Variants in DOCK10 observed in about 807,000 individuals in gnomAD.
DOCK10 encodes dedicator of cytokinesis 10.
A neutral mutation model predicts 280.1 loss-of-function variants in DOCK10; 145 were observed. That is an observed-to-expected ratio of 0.52 (90% CI 0.45 to 0.59). The LOEUF (loss-of-function observed/expected upper bound fraction) is 0.59, where lower values mean the gene tolerates loss of function less well. Among genes scored for constraint, DOCK10 ranks in the 20% least tolerant of loss-of-function variants. DOCK10 has a pLI of 0.00. For synonymous variants in DOCK10, 915 were observed against 942.2 expected (o/e 0.97, Z 0.53); for missense variants, 2,368 against 2,651.7 (o/e 0.89, Z 2.35).
rs185839185 is a variant in DOCK10, at chr2:224,922,198, T to G, written c.244-5414A>C. On this transcript the variant is annotated intron_variant, in intron 2 of 55. Transcript: ENST00000258390. The stretch of plus-strand genomic sequence containing the variant: ...AAAACTGTGGCACTTCTTCTCATTT[T>G]AGATCTCTTTAATGTGTCTCCACTG... Among the ~76,000 whole-genome samples the G allele has an allele frequency of 2.0e-3, 308 of 151,920 alleles. 1 individual carries two copies. The highest frequency in any genetic ancestry group is 6.6e-3 in the African/African-American group (274 of 41,456).
chr2:224,769,320 A>G (rs751316070), intron 55 of DOCK10, among the ~76,000 whole-genome samples: 14 of 152,252 alleles, frequency 9.2e-5, no homozygotes, highest in Non-Finnish European at 2.1e-4. Flanking sequence ...AATTAGAAAA[A>G]ACAGATTCAT....
At chr2:224,974,854 GT>G (rs1705336137) in intron 1 of DOCK10, among the ~76,000 whole-genome samples, 1 of 74,694 alleles carries the variant, frequency 1.3e-5, no homozygotes, top group African/African-American at 3.2e-5. Flanking sequence ...ATACACACAC[GT>G]ATATATGAGT....
intron 2 of DOCK10, among the ~76,000 whole-genome samples, chr2:224,918,477 T>C (rs1328562490): frequency 6.7e-6 from 1 of 149,322 alleles, no homozygotes; most frequent in African/African-American, 2.5e-5. Flanking sequence ...TGTGGTGAGT[T>C]TGTGGTGCGG....
intron 2 of DOCK10, among the ~76,000 whole-genome samples, chr2:224,918,476 T>C (rs1299718208): frequency 6.7e-6 from 1 of 150,302 alleles, no homozygotes; most frequent in East Asian, 2.0e-4. Context: ...GTGTGGTGAG[T>C]TTGTGGTGCG....
At chr2:224,787,506 G>T (rs943479458) in intron 48 of DOCK10, 109 bp from the exon 49 acceptor site, 15 of 1,392,818 alleles carry the variant, frequency 1.1e-5, no homozygotes, top group African/African-American at 2.9e-5. Flanking sequence ...TCTGTTACTG[G>T]CATTTAAAAC....
At chr2:225,019,056 CT>C (rs546440634) in intron 1 of DOCK10, among the ~76,000 whole-genome samples, 61 of 132,734 alleles carry the variant, frequency 4.6e-4, no homozygotes, top group African/African-American at 1.5e-3. Flanking sequence ...TAGCAACAAT[CT>C]TTTTGAATGG....
chr2:225,030,679 T>C (rs1386521797), intron 1 of DOCK10, among the ~76,000 whole-genome samples: 8 of 152,166 alleles, frequency 5.3e-5, no homozygotes, highest in Non-Finnish European at 1.2e-4. Flanking sequence ...CAAGATTTTG[T>C]TTTGTTTCTT....
At chr2:224,870,815 ATTTTTTTTTTTT>A (rs71410336) in intron 11 of DOCK10, among the ~76,000 whole-genome samples, 3 of 52,618 alleles carry the variant, frequency 5.7e-5, no homozygotes, top group Non-Finnish European at 1.1e-4. Flanking sequence ...TGGCCACTCC[ATTTTTTTTTTTT>A]TTTTTTTTTT....
chr2:224,858,348 T>C (rs964502857), intron 14 of DOCK10, among the ~76,000 whole-genome samples: 9 of 152,114 alleles, frequency 5.9e-5, no homozygotes, highest in Non-Finnish European at 1.2e-4. Context: ...CCATACAACA[T>C]GTGGTTGCTC....
rs974859857 is a variant in DOCK10 at position 224,865,182 on chromosome 2, A to T, written c.1258-95T>A. 2.5e-6 allele frequency: 3 copies of T among 1,223,838 alleles called. No individual in the cohort carries two copies. In the South Asian group the frequency reaches 4.2e-5, roughly 17 times the overall value. 75.8% of individuals were successfully genotyped at this position (1,223,838 alleles called of 1,614,324 possible). On this transcript the variant is annotated intron_variant, in intron 11 of 55. Coordinates refer to ENST00000258390, the MANE Select transcript of DOCK10 (RefSeq NM_014689.3). ...ATCATTTAACAAAGCAGTAGATAAA[A>T]TACATGCAGCAGGCAAGCTCCCCTT...
intron 1 of DOCK10, among the ~76,000 whole-genome samples, chr2:225,040,519 T>C (rs1051667022): frequency 3.8e-5 from 5 of 130,652 alleles, no homozygotes; most frequent in African/African-American, 6.8e-5. Flanking sequence ...AGTGCGTGTG[T>C]GTGTGTGTGT....
In DOCK10 at chr2:224,970,608, T is replaced by A. The variant is rs1364102119; in HGVS notation, c.124-38940A>T. 6.6e-6 allele frequency among the ~76,000 whole-genome samples: 1 copy of A among 152,366 alleles called. No homozygotes were observed. The highest frequency in any genetic ancestry group is 1.9e-4 in the East Asian group (1 of 5,190). ...TTACAACAAAGTGATTTTCCCTTTT[T>A]TTCTCTTTGTTGTCTCTGCCGTGGG... On this transcript the variant is annotated intron_variant, in intron 1 of 55. Transcript: ENST00000258390. This position sits in a 1 kb window ranked among gnomAD's most constrained non-coding sequence, Gnocchi z 4.6.
chr2:224,901,445 C>T (rs984455670), intron 3 of DOCK10, among the ~76,000 whole-genome samples: 4 of 152,324 alleles, frequency 2.6e-5, no homozygotes, highest in South Asian at 2.1e-4. Context: ...CTCCAAACAG[C>T]GATGTCCTGG....
rs757739715 is a variant in DOCK10, at chr2:224,840,051, T to C, written c.2683A>G (p.Ile895Val). 7.8e-6 allele frequency: 12 copies of C among 1,547,088 alleles called. No individual in the cohort carries two copies. In the East Asian group the frequency reaches 2.1e-4, roughly 27 times the overall value. Residue 895 changes from isoleucine to valine, a missense_variant, in exon 24 of 56, where the codon ATT becomes GTT. By Grantham distance (29) the Ile-to-Val change is conservative (BLOSUM62 3). Coordinates refer to ENST00000258390, the MANE Select transcript of DOCK10 (RefSeq NM_014689.3). ...GGCAGAAAACTCATGATTGCATGAA[T>C]CTTTTCCACATTCAATAAGTTCTGT... ...SCKNLLNVEK[I>V]HAIMSFLPII...
intron 1 of DOCK10, among the ~76,000 whole-genome samples, chr2:225,020,935 G>C (rs1689768451): frequency 6.6e-6 from 1 of 152,196 alleles, no homozygotes; most frequent in African/African-American, 2.4e-5. Context: ...CATTGGTTTT[G>C]AGAACATCTG....
chr2:224,853,965 T>C (rs959572113), intron 16 of DOCK10, among the ~76,000 whole-genome samples: 5 of 152,246 alleles, frequency 3.3e-5, no homozygotes, highest in Non-Finnish European at 2.9e-5. Context: ...AAAGAGAATA[T>C]TGAGTGCCTC....
chr2:224,955,396 A>G (rs1186504199), intron 1 of DOCK10, among the ~76,000 whole-genome samples: 1 of 152,204 alleles, frequency 6.6e-6, no homozygotes, highest in Non-Finnish European at 1.5e-5. Flanking sequence ...TACCTAAGCA[A>G]TTTTGAGAAG....
chr2:224,895,970 A>G (rs1246221124), intron 4 of DOCK10, among the ~76,000 whole-genome samples: 1 of 151,744 alleles, frequency 6.6e-6, no homozygotes, highest in Admixed American at 6.6e-5. Context: ...CAGAAAAACT[A>G]TTTGGCCATA....
intron 1 of DOCK10, among the ~76,000 whole-genome samples, chr2:224,988,933 C>T (rs927260229): frequency 6.6e-6 from 1 of 152,114 alleles, no homozygotes; most frequent in African/African-American, 2.4e-5. Flanking sequence ...TACTTGCTTC[C>T]CCCTACATGA....
Sources: allele counts gnomAD v4.1 joint callset (sites outside exome capture counted in the v4.1 genomes callset), GRCh38; gene constraint gnomAD v4.1.1; non-coding constraint Gnocchi (gnomAD v3.1); transcripts MANE v1.5; gene names NCBI Gene and HGNC (gene_info 2026-07-23, HGNC 2026-07-21).